The following PPP1R12B variants were observed in gnomAD, a reference collection of about 807,000 sequenced individuals.
The protein encoded by PPP1R12B is myosin phosphatase target subunit 2.
PPP1R12B carries 76 observed loss-of-function variants against 126.1 expected under a neutral mutation model. The ratio of observed to expected loss-of-function variants is 0.60; its 90% confidence interval spans 0.50 to 0.73. The LOEUF is 0.73. Among genes scored for constraint, PPP1R12B ranks in the 30% least tolerant of loss-of-function variants. The pLI is 0.00. For synonymous variants in PPP1R12B, 356 were observed against 434.7 expected (o/e 0.82, Z 2.25); for missense variants, 1,052 against 1,205.1 (o/e 0.87, Z 1.88).
chr1:202,574,535 A>G (rs1486182722), intron 23 of PPP1R12B, among the ~76,000 whole-genome samples: 1 of 152,140 alleles, frequency 6.6e-6, no homozygotes, highest in African/African-American at 2.4e-5. Flanking sequence ...AAGGGAGCTG[A>G]GTATGAGGGG....
intron 18 of PPP1R12B, among the ~76,000 whole-genome samples, chr1:202,515,216 T>C (rs1017448640): frequency 6.6e-6 from 1 of 152,132 alleles, no homozygotes; most frequent in African/African-American, 2.4e-5. Context: ...CATGGGTGAT[T>C]AATCTATGCA....
intron 18 of PPP1R12B, among the ~76,000 whole-genome samples, chr1:202,529,946 T>C (rs1263592321): frequency 6.6e-6 from 1 of 152,226 alleles, no homozygotes; most frequent in Non-Finnish European, 1.5e-5. Context: ...TTGAGGAAAC[T>C]ATCTCCCTAA....
At chr1:202,447,424 T>G (rs1672420257) in intron 12 of PPP1R12B, among the ~76,000 whole-genome samples, 1 of 152,226 alleles carries the variant, frequency 6.6e-6, no homozygotes. Flanking sequence ...CTATTTTAGG[T>G]GTCCTGCAGA....
At position 202,458,305 on chromosome 1, in the gene PPP1R12B, T is replaced by C. The variant is rs12238981; in HGVS notation, c.1850+9134T>C. Among the ~76,000 whole-genome samples the C allele has an allele frequency of 4.0e-3, 320 of 80,960 alleles. No homozygotes were observed. The Middle Eastern group carries it at 0.062, about 16-fold the overall frequency. The allele number at this position is 80,960 out of a possible 152,430, so 53.1% of individuals were successfully genotyped here. A position where few individuals can be genotyped will look rare whatever the true frequency, so the allele number is the denominator to read the frequency against. On this transcript the variant is annotated intron_variant, in intron 13 of 23. Coordinates refer to ENST00000608999, the MANE Select transcript of PPP1R12B (RefSeq NM_002481.4). ...GGAATAAATAGGATCACTCAAAAGC[T>C]TTCTTAGGGTCATTCCTCTCTGGGG...
At chr1:202,416,525 T>TTAAA in intron 1 of PPP1R12B, among the ~76,000 whole-genome samples, 1 of 111,628 alleles carries the variant, frequency 9.0e-6, no homozygotes, top group East Asian at 2.6e-4. Flanking sequence ...AAACTCTGTC[T>TTAAA]AAAAAAAAAA....
intron 13 of PPP1R12B, among the ~76,000 whole-genome samples, chr1:202,453,329 T>A (rs1673237300): frequency 6.6e-6 from 1 of 152,214 alleles, no homozygotes; most frequent in East Asian, 1.9e-4. Context: ...CTGGGATAAA[T>A]CCCACTTGGT....
chr1:202,439,401 A>C, intron 10 of PPP1R12B: 1 of 1,242,516 alleles, frequency 8.0e-7, no homozygotes, highest in Non-Finnish European at 1.2e-6. Context: ...GGCACAGCGG[A>C]GCACGGAGAC....
At chr1:202,500,080 A>G (rs1680032991) in intron 18 of PPP1R12B, among the ~76,000 whole-genome samples, 1 of 152,222 alleles carries the variant, frequency 6.6e-6, no homozygotes, top group Non-Finnish European at 1.5e-5. Flanking sequence ...TCAAAAACTA[A>G]AAATTGAACT....
At chr1:202,521,014 C>A (rs1682728107) in intron 18 of PPP1R12B, among the ~76,000 whole-genome samples, 1 of 151,996 alleles carries the variant, frequency 6.6e-6, no homozygotes, top group Non-Finnish European at 1.5e-5. Context: ...AGGAGCTGGG[C>A]TAATCTAACT....
At chr1:202,411,969 C>G (rs1667453735) in intron 1 of PPP1R12B, among the ~76,000 whole-genome samples, 1 of 152,210 alleles carries the variant, frequency 6.6e-6, no homozygotes, top group Non-Finnish European at 1.5e-5. Context: ...CTAGCCAAAA[C>G]TGTTTTAAAC....
chr1:202,525,908 A>G (rs111442194), intron 18 of PPP1R12B, among the ~76,000 whole-genome samples: 6 of 152,218 alleles, frequency 3.9e-5, no homozygotes, highest in Non-Finnish European at 5.9e-5. Flanking sequence ...CATGTTGACC[A>G]GGCTGGTCTC....
At chr1:202,490,384 T>C (rs535366632) in intron 14 of PPP1R12B, among the ~76,000 whole-genome samples, 1 of 152,350 alleles carries the variant, frequency 6.6e-6, no homozygotes, top group South Asian at 2.1e-4. Context: ...ATTCTTCCTT[T>C]ATTTTTACTT....
intron 18 of PPP1R12B, among the ~76,000 whole-genome samples, chr1:202,525,685 G>T (rs1443393397): frequency 6.6e-6 from 1 of 150,652 alleles, no homozygotes; most frequent in Admixed American, 6.6e-5. Context: ...CTTTTGGGGA[G>T]AGTCAAGAAA....
At chr1:202,445,596 GA>G (rs1672125209) in intron 12 of PPP1R12B, among the ~76,000 whole-genome samples, 1 of 152,046 alleles carries the variant, frequency 6.6e-6, no homozygotes, top group Non-Finnish European at 1.5e-5. Flanking sequence ...ATTATAATAG[GA>G]ATCTCTTGTA....
At chr1:202,438,075 T>C in intron 10 of PPP1R12B, 51 bp downstream of exon 10, 1 of 1,600,510 alleles carries the variant, frequency 6.2e-7, no homozygotes, top group Non-Finnish European at 8.5e-7. Flanking sequence ...TTTTTTTCCA[T>C]GAAAATTCAA....
At chr1:202,487,618 T>C (rs1678329546) in intron 13 of PPP1R12B, among the ~76,000 whole-genome samples, 1 of 152,074 alleles carries the variant, frequency 6.6e-6, no homozygotes, top group African/African-American at 2.4e-5. Context: ...TTTTTTTTCT[T>C]TTTTTTGGAG....
chr1:202,540,894 ATGGAGGTG>A (rs1296042988), intron 18 of PPP1R12B, among the ~76,000 whole-genome samples: 1 of 152,214 alleles, frequency 6.6e-6, no homozygotes, highest in African/African-American at 2.4e-5. Context: ...AACCAGCTGT[ATGGAGGTG>A]TTTGTGATGT....
At chr1:202,374,493 CT>C (rs1160730172) in intron 1 of PPP1R12B, among the ~76,000 whole-genome samples, 16 of 89,502 alleles carry the variant, frequency 1.8e-4, no homozygotes, top group African/African-American at 6.5e-4. Flanking sequence ...TTGTCTCTCT[CT>C]TTTTTTTTTT....
At chr1:202,572,502 T>A (rs772753849) in intron 23 of PPP1R12B, among the ~76,000 whole-genome samples, 1 of 152,224 alleles carries the variant, frequency 6.6e-6, no homozygotes, top group African/African-American at 2.4e-5. Flanking sequence ...GGACTTTTAT[T>A]GGAAAGGTAA....
Sources: gnomAD v4.1 joint callset for allele counts (sites outside exome capture counted in the v4.1 genomes callset) on GRCh38, gnomAD v4.1.1 for gene constraint, MANE v1.5 for transcripts, NCBI Gene and HGNC (gene_info 2026-07-23, HGNC 2026-07-21) for gene names.